DST: variants seen among roughly 807,000 people sequenced by gnomAD.
The protein encoded by DST is bullous pemphigoid antigen.
Under a neutral mutation model 875.2 loss-of-function variants are expected in DST, and 253 were observed. That is an observed-to-expected ratio of 0.29 (90% CI 0.26 to 0.32). The LOEUF (loss-of-function observed/expected upper bound fraction) is 0.32, where lower values mean the gene tolerates loss of function less well. Among genes scored for constraint, DST ranks in the 10% least tolerant of loss-of-function variants. The probability of loss-of-function intolerance (pLI) is 1.00; values close to 1 mark genes in which losing one functional copy is unlikely to be tolerated. For missense variants in DST, 8,287 were observed against 9,111.6 expected (o/e 0.91, Z 3.68); for synonymous variants, 3,124 against 3,197.1 (o/e 0.98, Z 0.77).
intron 61 of DST, among the ~76,000 whole-genome samples, chr6:56,545,770 CTA>C (rs2097210922): frequency 1.3e-5 from 2 of 152,098 alleles, no homozygotes; most frequent in African/African-American, 4.8e-5. Context: ...TGAAAAATGT[CTA>C]TGTAAGTAAA....
intron 10 of DST, among the ~76,000 whole-genome samples, chr6:56,657,178 C>A (rs2099013137): frequency 6.6e-6 from 1 of 152,038 alleles, no homozygotes; most frequent in African/African-American, 2.4e-5. Context: ...TCCACAATGT[C>A]ATCAGGCAAT....
chr6:56,575,591 C>T (rs2097851899), intron 50 of DST, among the ~76,000 whole-genome samples: 1 of 152,046 alleles, frequency 6.6e-6, no homozygotes, highest in African/African-American at 2.4e-5. Flanking sequence ...TAAATGTGTC[C>T]CCCAAAATTC....
intron 4 of DST, among the ~76,000 whole-genome samples, chr6:56,746,734 T>C (rs1363192494): frequency 6.6e-6 from 1 of 152,232 alleles, no homozygotes; most frequent in East Asian, 1.9e-4. Flanking sequence ...AGGGTGTATT[T>C]GTTTATTACT....
chr6:56,521,224 T>C lies in DST; in HGVS notation c.18130-3604A>G, dbSNP rs895757886. 2.0e-5 allele frequency among the ~76,000 whole-genome samples: 3 copies of C among 152,218 alleles called. No individual in the cohort carries two copies. The South Asian group carries it at 6.2e-4, about 32-fold the overall frequency. On this transcript the variant is annotated intron_variant, in intron 69 of 103. Coordinates refer to ENST00000680361, the MANE Select transcript of DST (RefSeq NM_001374736.1). ...TAAAGCTACAGGTAAAAATTGATTA[T>C]GTGATTCATTTAAAGAATATAAGAC...
Position 56,494,162 on chromosome 6 carries a change from C to T in DST, c.20242G>A (p.Glu6748Lys). 6.2e-7 allele frequency: 1 copy of T among 1,604,720 alleles called. No individual in the cohort carries two copies. Among genetic ancestry groups the T allele is most frequent in the Non-Finnish European group, 8.5e-7 (1 of 1,174,328 alleles). Reference protein sequence around the residue: ...NVHMEVCAAFEAKEETYKSLM... With the variant: ...NVHMEVCAAFKAKEETYKSLM... ...CTCTTATATGTTTCTTCTTTAGCTT[C>T]AAAGGCAGCACAGACTTCCTAAATT... The change falls in exon 83 of 104, where the codon GAA becomes AAA. Residue 6748 changes from glutamate (E) to lysine (K), a missense_variant. Around this residue, in one of 10 missense-constraint regions of DST, gnomAD observed 1,292 missense variants for 1,552.7 expected, o/e 0.83. Coordinates refer to ENST00000680361, the MANE Select transcript of DST (RefSeq NM_001374736.1).
At chr6:56,771,660 TAC>T (rs2099665593) in intron 4 of DST, among the ~76,000 whole-genome samples, 3 of 152,126 alleles carry the variant, frequency 2.0e-5, no homozygotes, top group Non-Finnish European at 4.4e-5. Flanking sequence ...TTGCCATGAA[TAC>T]AAAATGCACA....
intron 72 of DST, among the ~76,000 whole-genome samples, chr6:56,513,666 G>A (rs1478353967): frequency 1.3e-5 from 2 of 152,158 alleles, no homozygotes; most frequent in Non-Finnish European, 2.9e-5. Flanking sequence ...GCCTGGCCGA[G>A]GAGCCTTTTT....
chr6:56,911,977 TA>T (rs1463832611), intron 2 of DST, among the ~76,000 whole-genome samples: 8 of 151,836 alleles, frequency 5.3e-5, no homozygotes, highest in African/African-American at 1.9e-4. Context: ...CTCAGATAAT[TA>T]AAAAGTCTCC....
Position 56,599,541 on chromosome 6 carries a change from G to T in DST, c.11694+528C>A, listed in dbSNP as rs1012892. Among the ~76,000 whole-genome samples the T allele has an allele frequency of 4.0e-4, 61 of 152,196 alleles. No homozygotes were observed. The East Asian group carries it at 0.011, about 28-fold the overall frequency. The stretch of plus-strand genomic sequence containing the variant: ...GACAGACTGTTATAAAGCTAACAAT[G>T]TATAGAGTCTGGAATCTGAACCAGG... On this transcript the variant is annotated intron_variant, in intron 45 of 103. Coordinates refer to ENST00000680361, the MANE Select transcript of DST (RefSeq NM_001374736.1).
chr6:56,945,907 A>G (rs1216776772), intron 2 of DST: 1 of 151,954 alleles, frequency 6.6e-6, no homozygotes, highest in African/African-American at 2.4e-5. Flanking sequence ...GGAGGGGAAT[A>G]GGGAATAATT....
chr6:56,581,870 A>G (rs1265824393), intron 49 of DST, among the ~76,000 whole-genome samples: 1 of 152,112 alleles, frequency 6.6e-6, no homozygotes, highest in Non-Finnish European at 1.5e-5. Flanking sequence ...CATTCTCTGT[A>G]CCTATACTTT....
rs1405772658 is a variant in DST at position 56,889,367 on chromosome 6, C to T, written c.417+11054G>A. Among the ~76,000 whole-genome samples the T allele has an allele frequency of 2.0e-5, 3 of 152,180 alleles. No homozygotes were observed. The East Asian group carries it at 5.8e-4, about 29-fold the overall frequency. ...CTTACCATTTCAGAAAAGAGGATCA[C>T]CCAATCACCTGTGTTAGGCCCATAT... On this transcript the variant is annotated intron_variant, in intron 3 of 103. Transcript: ENST00000680361.
At chr6:56,551,955 C>T (rs1562729464) in intron 61 of DST, among the ~76,000 whole-genome samples, 1 of 152,102 alleles carries the variant, frequency 6.6e-6, no homozygotes, top group South Asian at 2.1e-4. Flanking sequence ...TGCCAAGCAC[C>T]CTTTGGTCTG....
At chr6:56,675,974 A>C (rs1161560454) in intron 9 of DST, among the ~76,000 whole-genome samples, 1 of 152,260 alleles carries the variant, frequency 6.6e-6, no homozygotes. Context: ...AATATCACTA[A>C]GCAGCGAAGA....
intron 49 of DST, among the ~76,000 whole-genome samples, chr6:56,585,307 C>A (rs1329439396): frequency 1.3e-5 from 2 of 152,134 alleles, no homozygotes; most frequent in Non-Finnish European, 2.9e-5. Context: ...TCAACTTCTT[C>A]CTGGTTTAGT....
At chr6:56,737,577 T>C (rs555119236) in intron 4 of DST, among the ~76,000 whole-genome samples, 3 of 152,320 alleles carry the variant, frequency 2.0e-5, no homozygotes, top group East Asian at 1.9e-4. Flanking sequence ...AGCAGAGAAA[T>C]AGAACATTCT....
intron 4 of DST, among the ~76,000 whole-genome samples, chr6:56,804,446 T>C (rs2099750846): frequency 6.6e-6 from 1 of 152,148 alleles, no homozygotes; most frequent in South Asian, 2.1e-4. Flanking sequence ...ATATACTGAT[T>C]TAAAGAGAAA....
chr6:56,626,319 A>G (rs2098734705), intron 34 of DST, among the ~76,000 whole-genome samples: 1 of 152,156 alleles, frequency 6.6e-6, no homozygotes, highest in South Asian at 2.1e-4. Flanking sequence ...TGCAAGCTCC[A>G]TTCATGGTAG....
chr6:56,869,343 A>G (rs1242675901), intron 3 of DST, among the ~76,000 whole-genome samples: 1 of 152,218 alleles, frequency 6.6e-6, no homozygotes, highest in South Asian at 2.1e-4. Context: ...TAGAAAAGCA[A>G]AAGCACAAAT....
Sources: gnomAD v4.1 joint callset for allele counts (sites outside exome capture counted in the v4.1 genomes callset) on GRCh38, gnomAD v4.1.1 for gene constraint, gnomAD v4.1.1 regional missense constraint, MANE v1.5 for transcripts, NCBI Gene and HGNC (gene_info 2026-07-23, HGNC 2026-07-21) for gene names.